Variants in ANKRD10 observed in about 807,000 individuals in gnomAD.
The protein encoded by ANKRD10 is ankyrin repeat domain 10.
Under a neutral mutation model 27.0 loss-of-function variants are expected in ANKRD10, and 14 were observed. That is an observed-to-expected ratio of 0.52 (90% CI 0.34 to 0.81). The LOEUF (loss-of-function observed/expected upper bound fraction) is 0.81. Among genes scored for constraint, ANKRD10 ranks in the 40% least tolerant of loss-of-function variants. The pLI is 0.01. For missense variants in ANKRD10, 493 were observed against 544.0 expected (o/e 0.91, Z 0.93); for synonymous variants, 250 against 224.5 (o/e 1.11, Z -1.01).
At chr13:110,898,778 G>A (rs532415878) in intron 3 of ANKRD10, among the ~76,000 whole-genome samples, 128 of 135,282 alleles carry the variant, frequency 9.5e-4, no homozygotes, top group African/African-American at 3.3e-3. Flanking sequence ...TTTTTGAGAC[G>A]GAGTTTCACT....
intron 4 of ANKRD10, among the ~76,000 whole-genome samples, chr13:110,888,622 A>C (rs2064996867): frequency 6.6e-6 from 1 of 152,198 alleles, no homozygotes; most frequent in Non-Finnish European, 1.5e-5. Context: ...ATCATTTAAC[A>C]AACCAGCTGG....
rs780612989 is a variant in ANKRD10, at chr13:110,910,496, T to C, written c.363+122A>G. ...ACAACTGAAGAAACATAAATTCCAG[T>C]CTGCCCTCAGGTAAAGATATCAAAC... On this transcript the variant is annotated intron_variant, in intron 2 of 5. Transcript: ENST00000267339. 1,252 of 1,245,076 alleles carry C rather than the reference T, an allele frequency of 1.0e-3. 1 individual carries two copies. Among genetic ancestry groups the C allele is most frequent in the Middle Eastern group, 1.6e-3 (8 of 5,114 alleles). The allele number at this position is 1,245,076 out of a possible 1,614,324, so 77.1% of individuals were successfully genotyped here.
At chr13:110,903,905 G>C (rs1378217917) in intron 3 of ANKRD10, 2 of 152,068 alleles carry the variant, frequency 1.3e-5, no homozygotes, top group Non-Finnish European at 2.9e-5. Flanking sequence ...TGATTTGCTA[G>C]GACTACACTT....
chr13:110,891,169 T>C (rs1486673101), intron 4 of ANKRD10, among the ~76,000 whole-genome samples: 3 of 152,156 alleles, frequency 2.0e-5, no homozygotes, highest in African/African-American at 7.2e-5. Context: ...ATTTAGACTA[T>C]ACAGTGACAT....
intron 3 of ANKRD10, among the ~76,000 whole-genome samples, 196 bp from the exon 4 acceptor site, chr13:110,893,459 T>G (rs2065137566): frequency 6.6e-6 from 1 of 152,224 alleles, no homozygotes; most frequent in Admixed American, 6.5e-5. Flanking sequence ...TAAGCAAGAT[T>G]TGGGAGATAA....
intron 2 of ANKRD10, among the ~76,000 whole-genome samples, chr13:110,909,933 A>G (rs61336171): frequency 0.34 from 51,866 of 152,122 alleles, 9,338 homozygotes; most frequent in South Asian, 0.42. Context: ...AATTAGTCTA[A>G]GGACTAATCC....
intron 3 of ANKRD10, among the ~76,000 whole-genome samples, chr13:110,903,739 T>C (rs2065450067): frequency 6.6e-6 from 1 of 152,190 alleles, no homozygotes; most frequent in Non-Finnish European, 1.5e-5. Flanking sequence ...CAGCTTTTAA[T>C]CTATTCACAG....
intron 3 of ANKRD10, chr13:110,904,208 A>T (rs932252397): frequency 2.6e-5 from 4 of 152,222 alleles, no homozygotes; most frequent in African/African-American, 4.8e-5. Flanking sequence ...TTCTAAAAAA[A>T]ATATGAAAGC....
intron 3 of ANKRD10, chr13:110,904,354 G>GA (rs1180727806): frequency 6.6e-6 from 1 of 151,854 alleles, no homozygotes; most frequent in African/African-American, 2.4e-5. Context: ...TGTAACCAAG[G>GA]ACAGAATTGT....
At chr13:110,906,438 G>A (rs1391221739) in intron 2 of ANKRD10, among the ~76,000 whole-genome samples, 2 of 149,530 alleles carry the variant, frequency 1.3e-5, no homozygotes, top group African/African-American at 4.9e-5. Flanking sequence ...TATAAACCCA[G>A]AATAAGTAAC....
intron 4 of ANKRD10, among the ~76,000 whole-genome samples, chr13:110,892,117 C>T (rs909766850): frequency 1.4e-4 from 21 of 150,476 alleles, no homozygotes; most frequent in Non-Finnish European, 7.4e-5. Flanking sequence ...CTCAAACCTA[C>T]CTTAAAAACA....
At chr13:110,908,483 C>T (rs1273924340) in intron 2 of ANKRD10, among the ~76,000 whole-genome samples, 1 of 152,142 alleles carries the variant, frequency 6.6e-6, no homozygotes, top group Non-Finnish European at 1.5e-5. Flanking sequence ...GGAAAATGAA[C>T]TTAGAACTGT....
intron 4 of ANKRD10, among the ~76,000 whole-genome samples, chr13:110,892,305 C>T (rs960898058): frequency 1.3e-5 from 2 of 148,244 alleles, no homozygotes; most frequent in Admixed American, 6.9e-5. Context: ...TAGCATGCAC[C>T]TGTAATCCCA....
At chr13:110,914,331 G>A (rs1271874539) in intron 1 of ANKRD10, among the ~76,000 whole-genome samples, 1 of 152,176 alleles carries the variant, frequency 6.6e-6, no homozygotes, top group African/African-American at 2.4e-5. Context: ...CCGGCTCTGC[G>A]AAATCGCTCG....
intron 3 of ANKRD10, chr13:110,903,511 G>A (rs1381772292): frequency 1.9e-5 from 3 of 154,730 alleles, no homozygotes; most frequent in Middle Eastern, 1.1e-3. Context: ...ATGCACAGCA[G>A]CTGAAATGCG....
chr13:110,906,185 G>C, intron 2 of ANKRD10, 61 bp from the exon 3 acceptor site: 1 of 1,311,326 alleles, frequency 7.6e-7, no homozygotes, highest in Non-Finnish European at 1.1e-6. Flanking sequence ...CATTTTGGAA[G>C]TAATGTCATT....
intron 3 of ANKRD10, chr13:110,903,408 G>C (rs535156501): frequency 6.5e-6 from 1 of 154,246 alleles, no homozygotes; most frequent in Non-Finnish European, 1.5e-5. Flanking sequence ...CTCACACACA[G>C]AAAACTTGGC....
chr13:110,895,686 G>A lies in ANKRD10; in HGVS notation c.456-2423C>T, dbSNP rs190134891. Among the ~76,000 whole-genome samples the A allele has an allele frequency of 2.3e-3, 345 of 152,308 alleles. 1 individual carries two copies. Among genetic ancestry groups the A allele is most frequent in the African/African-American group, 5.5e-3 (227 of 41,570 alleles). On this transcript the variant is annotated intron_variant, in intron 3 of 5. Coordinates refer to ENST00000267339, the MANE Select transcript of ANKRD10 (RefSeq NM_017664.4). The stretch of plus-strand genomic sequence containing the variant: ...TTAAAAGAACATCCAAAGCACATTC[G>A]ATTCCTTTATTCCTTATTCAGAAGC...
chr13:110,914,696 A>G, intron 1 of ANKRD10, 29 bp downstream of exon 1: 1 of 1,541,492 alleles, frequency 6.5e-7, no homozygotes, highest in Non-Finnish European at 8.8e-7. Context: ...CAGCCGGGGA[A>G]AATGGCGCCT....
Sources: gnomAD v4.1 joint callset for allele counts (sites outside exome capture counted in the v4.1 genomes callset) on GRCh38, gnomAD v4.1.1 for gene constraint, MANE v1.5 for transcripts, NCBI Gene and HGNC (gene_info 2026-07-23, HGNC 2026-07-21) for gene names.